CDH3: variants seen among roughly 807,000 people sequenced by gnomAD.
CDH3 encodes cadherin 3, also known as cadherin-3.
A neutral mutation model predicts 82.0 loss-of-function variants in CDH3; 54 were observed. That is an observed-to-expected ratio of 0.66 (90% CI 0.53 to 0.83). CDH3 has a LOEUF of 0.83. CDH3 is among the 40% of genes least tolerant of loss of function. CDH3 has a pLI of 0.00. For synonymous variants in CDH3, 446 were observed against 437.9 expected (o/e 1.02, Z -0.23); for missense variants, 1,054 against 1,084.6 (o/e 0.97, Z 0.40).
downstream of CDH3, among the ~76,000 whole-genome samples, chr16:68,730,399 G>T (rs1386153871): frequency 1.3e-5 from 2 of 152,016 alleles, no homozygotes; most frequent in Non-Finnish European, 1.5e-5. Context: ...GGTGGTACAT[G>T]CCTGTAATCC....
At chr16:68,715,058 A>G (rs1196151092) in intron 1 of CDH3, among the ~76,000 whole-genome samples, 1 of 151,902 alleles carries the variant, frequency 6.6e-6, no homozygotes, top group East Asian at 1.9e-4. Flanking sequence ...TATTAGCTCC[A>G]TTTTACGGAG....
intron 2 of CDH3, among the ~76,000 whole-genome samples, chr16:68,665,646 A>C (rs1348434254): frequency 6.6e-6 from 1 of 152,188 alleles, no homozygotes; most frequent in Non-Finnish European, 1.5e-5. Context: ...CAGCTGTCTC[A>C]GGTTGATCAC....
chr16:68,696,688 T>C (rs1567458169), intron 15 of CDH3: 1 of 153,382 alleles, frequency 6.5e-6, no homozygotes, highest in Non-Finnish European at 1.5e-5. Flanking sequence ...CTCTAAGATC[T>C]GTCTGCCAGG....
Position 68,684,640 on chromosome 16 carries a change from G to A in CDH3, c.1240G>A (p.Ala414Thr), listed in dbSNP as rs145203128. 50 of 1,614,058 alleles carry A rather than the reference G, an allele frequency of 3.1e-5. No homozygotes were observed. The highest frequency in any genetic ancestry group is 3.6e-5 in the Non-Finnish European group (42 of 1,180,036). ...HTLYVEVTNE[A>T]PFVLKLPTST... ...CCTGTACGTTGAAGTGACCAACGAG[G>A]CCCCTTTTGTGCTGAAGCTCCCAAC... Residue 414 changes from alanine (A) to threonine (T), a missense_variant, in exon 10 of 16, where the codon GCC becomes ACC. Coordinates refer to ENST00000264012, the MANE Select transcript of CDH3 (RefSeq NM_001793.6).
At chr16:68,722,637 C>A (rs915059150) in intron 2 of CDH3, 1 of 152,122 alleles carries the variant, frequency 6.6e-6, no homozygotes, top group African/African-American at 2.4e-5. Flanking sequence ...AAACTTCTCC[C>A]AGTTTACCTG....
chr16:68,675,827 G>C (rs1961017844), intron 2 of CDH3, among the ~76,000 whole-genome samples: 2 of 151,878 alleles, frequency 1.3e-5, no homozygotes, highest in African/African-American at 4.8e-5. Context: ...AAAAAGTGGG[G>C]GATAATACCT....
intron 2 of CDH3, among the ~76,000 whole-genome samples, chr16:68,726,099 AG>A (rs775666832): frequency 7.2e-5 from 11 of 152,170 alleles, no homozygotes; most frequent in Non-Finnish European, 1.2e-4. Context: ...GCAGGCAGTC[AG>A]GAACTGAAGT....
intron 2 of CDH3, among the ~76,000 whole-genome samples, chr16:68,646,778 C>T (rs528163136): frequency 6.6e-6 from 1 of 152,050 alleles, no homozygotes; most frequent in Non-Finnish European, 1.5e-5. Context: ...GGGAAGGAAC[C>T]GTGGCTTACC....
chr16:68,717,510 C>T (rs191164192), intron 1 of CDH3, among the ~76,000 whole-genome samples: 23 of 152,258 alleles, frequency 1.5e-4, no homozygotes, highest in Non-Finnish European at 2.8e-4. Flanking sequence ...CGGTGGCTCA[C>T]GCTTGTAATT....
At chr16:68,706,206 T>C (rs1961962075) in intron 1 of CDH3, among the ~76,000 whole-genome samples, 1 of 152,028 alleles carries the variant, frequency 6.6e-6, no homozygotes, top group African/African-American at 2.4e-5. Flanking sequence ...CTTGGACAGG[T>C]GTATCCTCAC....
intron 12 of CDH3, among the ~76,000 whole-genome samples, chr16:68,691,133 G>C (rs180814582): frequency 2.7e-4 from 41 of 150,706 alleles, no homozygotes; most frequent in African/African-American, 9.0e-4. Flanking sequence ...AGCCTCCCAA[G>C]TAGCTGGGAC....
In CDH3 at chr16:68,678,847, A is replaced by G. The variant is rs1458060750; in HGVS notation, c.632A>G (p.His211Arg). The G allele has an allele frequency of 6.2e-7, 1 of 1,614,002 alleles. No homozygotes were observed. The highest frequency in any genetic ancestry group is 1.3e-5 in the African/African-American group (1 of 74,928). ...ATCATCGTGACCGACCAGAATGACCACAAGCCCAAGTTTACCCAGGACACC... is the reference window on the plus strand; with the variant it reads ...ATCATCGTGACCGACCAGAATGACCGCAAGCCCAAGTTTACCCAGGACACC... ...ISIIVTDQND[H>R]KPKFTQDTFR... The change falls in exon 6 of 16, where the codon CAC becomes CGC. Residue 211 changes from histidine to arginine, a missense_variant. Physicochemically the swap from His to Arg is conservative, Grantham distance 29 (BLOSUM62 0). Coordinates refer to ENST00000264012, the MANE Select transcript of CDH3 (RefSeq NM_001793.6).
chr16:68,674,451 G>A (rs1335310176), intron 2 of CDH3, among the ~76,000 whole-genome samples: 1 of 151,680 alleles, frequency 6.6e-6, no homozygotes, highest in African/African-American at 2.4e-5. Context: ...CTTCTTTTTC[G>A]GCCAGGCATG....
chr16:68,673,473 C>CTT (rs35264410), intron 2 of CDH3, among the ~76,000 whole-genome samples: 6,582 of 146,552 alleles, frequency 0.045, 173 homozygotes, highest in Middle Eastern at 0.095. Context: ...TGGTCAATTC[C>CTT]TTTTTTTTTT....
intron 2 of CDH3, among the ~76,000 whole-genome samples, chr16:68,646,509 C>A (rs1049068514): frequency 2.2e-5 from 3 of 137,324 alleles, no homozygotes; most frequent in Non-Finnish European, 3.1e-5. Flanking sequence ...CCTACCCCCC[C>A]CCTCCCCGCC....
intron 1 of CDH3, among the ~76,000 whole-genome samples, chr16:68,705,845 C>A (rs1961954306): frequency 6.6e-6 from 1 of 151,572 alleles, no homozygotes; most frequent in Non-Finnish European, 1.5e-5. Flanking sequence ...GCAGGTGGAT[C>A]ACGAGGTCAA....
intron 2 of CDH3, among the ~76,000 whole-genome samples, chr16:68,647,487 T>G (rs1960108682): frequency 6.6e-6 from 1 of 152,110 alleles, no homozygotes; most frequent in Non-Finnish European, 1.5e-5. Context: ...TAGAGGAAAT[T>G]CAGCTTTCTC....
intron 9 of CDH3, among the ~76,000 whole-genome samples, chr16:68,682,997 C>T (rs933085141): frequency 1.2e-4 from 19 of 152,036 alleles, no homozygotes; most frequent in African/African-American, 4.3e-4. Context: ...CACTTATTCC[C>T]AGCACTTTAG....
chr16:68,702,370 A>T (rs78562339), downstream of CDH3, among the ~76,000 whole-genome samples: 3 of 152,160 alleles, frequency 2.0e-5, no homozygotes, highest in Non-Finnish European at 4.4e-5. Context: ...AGATGCTTCA[A>T]AGCCAGTCCT....
Sources: allele counts gnomAD v4.1 joint callset (sites outside exome capture counted in the v4.1 genomes callset), GRCh38; gene constraint gnomAD v4.1.1; transcripts MANE v1.5; gene names NCBI Gene and HGNC (gene_info 2026-07-23, HGNC 2026-07-21).